Variants in NPTN observed in about 807,000 individuals in gnomAD.
NPTN encodes neuroplastin.
A neutral mutation model predicts 42.7 loss-of-function variants in NPTN; 5 were observed. The ratio of observed to expected loss-of-function variants is 0.12; its 90% CI spans 0.06 to 0.25. NPTN has a LOEUF of 0.25. Ranked by LOEUF, NPTN falls within the 10% of genes least tolerant of loss-of-function variation. The pLI, the probability that NPTN is intolerant of heterozygous loss-of-function variation, is 1.00. For missense variants in NPTN, 307 were observed against 525.4 expected (o/e 0.58, Z 4.06); for synonymous variants, 180 against 201.9 (o/e 0.89, Z 0.92).
At chr15:73,600,190 C>T (rs528379898) in intron 1 of NPTN, among the ~76,000 whole-genome samples, 14 of 152,324 alleles carry the variant, frequency 9.2e-5, no homozygotes, top group Admixed American at 7.2e-4. Flanking sequence ...TGATCTGAGT[C>T]AGTTCAATTT....
Position 73,591,997 on chromosome 15 carries a change from T to G in NPTN, c.580A>C (p.Thr194Pro), listed in dbSNP as rs112941596. The G allele has an allele frequency of 9.3e-4, 1,504 of 1,613,562 alleles. 2 individuals carry two copies. Among genetic ancestry groups the G allele is most frequent in the Non-Finnish European group, 1.1e-3 (1,310 of 1,179,668 alleles). The change falls in exon 3 of 9, where the codon ACT (threonine) becomes CCT (proline). Residue 194 changes from threonine (T) to proline (P), a missense_variant. Physicochemically the swap from Thr to Pro is conservative, Grantham distance 38. Transcript: ENST00000345330. ...TCCATGTTGCTGGCATTCTTACGAG[T>G]GGCACTCAGTTCCACCCCATTCTTT... ...WTKNGVELSATRKNASNMEYR... is the reference protein window; with the variant it reads ...WTKNGVELSAPRKNASNMEYR...
chr15:73,595,083 T>G (rs1179444904), intron 2 of NPTN, among the ~76,000 whole-genome samples: 1 of 152,110 alleles, frequency 6.6e-6, no homozygotes, highest in Non-Finnish European at 1.5e-5. Flanking sequence ...TTCAACCACA[T>G]GCAGACAATT....
intron 1 of NPTN, among the ~76,000 whole-genome samples, chr15:73,629,873 C>T (rs776615362): frequency 6.6e-6 from 1 of 151,958 alleles, no homozygotes; most frequent in African/African-American, 2.4e-5. Context: ...TAAAGTCTCT[C>T]CCAGAAACTC....
chr15:73,614,351 C>G (rs1433813918), intron 1 of NPTN, among the ~76,000 whole-genome samples: 14 of 151,990 alleles, frequency 9.2e-5, no homozygotes, highest in Admixed American at 9.2e-4. Context: ...AGAAATCATT[C>G]CATTTAATAA....
Position 73,561,985 on chromosome 15 carries a change from T to A in NPTN, c.1137-15A>T. 1 of 1,584,558 alleles carries A rather than the reference T, an allele frequency of 6.3e-7. No homozygotes were observed. Among genetic ancestry groups the A allele is most frequent in the Non-Finnish European group, 8.6e-7 (1 of 1,164,620 alleles). Reference sequence around the variant, plus strand: ...AGTTGGTTTTCCTTTGGAGGAAAAATTGCATTACATGAGTTAAACTCAGTC... The same window carrying A: ...AGTTGGTTTTCCTTTGGAGGAAAAAATGCATTACATGAGTTAAACTCAGTC... On this transcript the variant is annotated splice_polypyrimidine_tract_variant and intron_variant, in intron 7 of 8. Transcript: ENST00000345330.
rs1281636658 is a variant in NPTN, at chr15:73,570,776, C to T, written c.841-353G>A. 6.6e-6 allele frequency among the ~76,000 whole-genome samples: 1 copy of T among 152,194 alleles called. No homozygotes were observed. Among genetic ancestry groups the T allele is most frequent in the Non-Finnish European group, 1.5e-5 (1 of 68,038 alleles). On this transcript the variant is annotated intron_variant, in intron 5 of 8. Transcript: ENST00000345330. This position sits in a 1 kb window ranked among gnomAD's most constrained non-coding sequence, Gnocchi z 4.0. ...GACGGCAGAAGGAGGGGTACAACCC[C>T]TACAGTCAGGCATGCCTCGGGGACC...
chr15:73,616,613 T>G (rs1038166179), intron 1 of NPTN, among the ~76,000 whole-genome samples: 3 of 152,202 alleles, frequency 2.0e-5, no homozygotes, highest in Non-Finnish European at 4.4e-5. Flanking sequence ...ATCTATTCTA[T>G]TCTCCCTTCA....
At chr15:73,591,817 G>T in intron 3 of NPTN, 149 bp downstream of exon 3, 1 of 654,778 alleles carries the variant, frequency 1.5e-6, no homozygotes. Flanking sequence ...AGACTACTGG[G>T]CCTTACCTGA....
At chr15:73,612,636 G>T (rs140394686) in intron 1 of NPTN, among the ~76,000 whole-genome samples, 1 of 152,092 alleles carries the variant, frequency 6.6e-6, no homozygotes, top group African/African-American at 2.4e-5. Context: ...CGGGCGTGGT[G>T]GCCAGTGCCT....
intron 4 of NPTN, among the ~76,000 whole-genome samples, chr15:73,580,830 GC>G (rs1285292650): frequency 1.3e-5 from 2 of 151,896 alleles, no homozygotes; most frequent in African/African-American, 4.8e-5. Context: ...AAAGAGCAGA[GC>G]TTCAGACCTG....
intron 1 of NPTN, among the ~76,000 whole-genome samples, chr15:73,613,648 C>T (rs1193228294): frequency 6.6e-6 from 1 of 152,022 alleles, no homozygotes; most frequent in Non-Finnish European, 1.5e-5. Flanking sequence ...AATAGTGTCT[C>T]AGAAATGAAT....
intron 1 of NPTN, among the ~76,000 whole-genome samples, chr15:73,622,412 G>A (rs908968659): frequency 6.6e-6 from 1 of 150,638 alleles, no homozygotes; most frequent in African/African-American, 2.4e-5. Flanking sequence ...TAAACGAGAA[G>A]TCCCAGAAAC....
intron 1 of NPTN, among the ~76,000 whole-genome samples, chr15:73,624,416 C>T (rs1898294034): frequency 6.6e-6 from 1 of 152,184 alleles, no homozygotes; most frequent in Non-Finnish European, 1.5e-5. Context: ...AATGCTGGAG[C>T]TCCTTGTGCT....
intron 1 of NPTN, among the ~76,000 whole-genome samples, chr15:73,598,276 C>A (rs1896919254): frequency 6.6e-6 from 1 of 152,068 alleles, no homozygotes; most frequent in Admixed American, 6.5e-5. Context: ...AGTTGAATTG[C>A]CTGGCTTCTA....
intron 6 of NPTN, chr15:73,563,703 G>T: frequency 7.8e-6 from 2 of 255,024 alleles, no homozygotes; most frequent in Non-Finnish European, 1.2e-5. Flanking sequence ...TGTACCATCT[G>T]TACATTTAGC....
chr15:73,571,578 G>A (rs1461016895), intron 5 of NPTN, among the ~76,000 whole-genome samples: 1 of 152,294 alleles, frequency 6.6e-6, no homozygotes, highest in South Asian at 2.1e-4. Flanking sequence ...GAGGACAGCT[G>A]ATCAAACAGG....
chr15:73,611,993 G>GAA (rs1413039476), intron 1 of NPTN, among the ~76,000 whole-genome samples: 9 of 152,062 alleles, frequency 5.9e-5, no homozygotes, highest in African/African-American at 2.2e-4. Context: ...ATTTGCACTT[G>GAA]ACACTGAGCA....
intron 1 of NPTN, among the ~76,000 whole-genome samples, chr15:73,601,324 T>C (rs368091067): frequency 6.6e-6 from 1 of 150,880 alleles, no homozygotes; most frequent in East Asian, 1.9e-4. Context: ...CCAAACAGCA[T>C]GGAAAAGAAA....
chr15:73,629,240 A>C (rs918901871), intron 1 of NPTN, among the ~76,000 whole-genome samples: 4 of 152,170 alleles, frequency 2.6e-5, no homozygotes, highest in African/African-American at 9.7e-5. Context: ...AAAGCCTGTG[A>C]TCTCCTTAGG....
Sources: gnomAD v4.1 joint callset for allele counts (sites outside exome capture counted in the v4.1 genomes callset) on GRCh38, gnomAD v4.1.1 for gene constraint, Gnocchi (gnomAD v3.1) non-coding constraint, MANE v1.5 for transcripts, NCBI Gene and HGNC (gene_info 2026-07-23, HGNC 2026-07-21) for gene names.